ARID4B: variants seen among roughly 807,000 people sequenced by gnomAD.
ARID4B encodes AT-rich interactive domain-containing protein 4B.
A neutral mutation model predicts 147.5 loss-of-function variants in ARID4B; 26 were observed. That is an observed-to-expected ratio of 0.18 (90% CI 0.13 to 0.24). ARID4B has a LOEUF of 0.24. Among genes scored for constraint, ARID4B ranks in the 10% least tolerant of loss-of-function variants. ARID4B has a pLI of 1.00. For missense variants in ARID4B, 1,179 were observed against 1,511.5 expected, an observed-to-expected ratio of 0.78 and a Z score of 3.65; for synonymous variants, 512 against 507.9, an observed-to-expected ratio of 1.01 and a Z score of -0.11.
chr1:235,218,796 G>T (rs1338169095), intron 16 of ARID4B, among the ~76,000 whole-genome samples: 1 of 151,066 alleles, frequency 6.6e-6, no homozygotes, highest in Non-Finnish European at 1.5e-5. Flanking sequence ...ATTCATATAA[G>T]CCCCATTTTT....
At chr1:235,179,925 C>T (rs995689662) in intron 20 of ARID4B, among the ~76,000 whole-genome samples, 5 of 151,394 alleles carry the variant, frequency 3.3e-5, no homozygotes, top group African/African-American at 1.2e-4. Flanking sequence ...AAAAAATTAG[C>T]TGGGCATGGT....
intron 6 of ARID4B, among the ~76,000 whole-genome samples, chr1:235,247,243 G>A (rs931411176): frequency 1.3e-5 from 2 of 152,068 alleles, no homozygotes; most frequent in Non-Finnish European, 2.9e-5. Context: ...AAATAAAAGT[G>A]AGGAACTATT....
At chr1:235,231,219 A>G (rs756592047) in intron 9 of ARID4B, 30 bp from the exon 10 acceptor site, 16 of 1,218,056 alleles carry the variant, frequency 1.3e-5, no homozygotes, top group South Asian at 9.0e-5. Context: ...ATAAGAGAAG[A>G]AAAAAAACCC....
intron 2 of ARID4B, among the ~76,000 whole-genome samples, chr1:235,275,118 T>C (rs1017481427): frequency 1.3e-5 from 2 of 152,118 alleles, no homozygotes; most frequent in Non-Finnish European, 2.9e-5. Flanking sequence ...ACAAACTATC[T>C]TACAGATGAC....
chr1:235,192,510 G>C (rs1364804413), intron 19 of ARID4B, among the ~76,000 whole-genome samples: 2 of 151,914 alleles, frequency 1.3e-5, no homozygotes, highest in African/African-American at 4.8e-5. Flanking sequence ...AATTAGTACA[G>C]TGGTGAGTAA....
Position 235,186,084 on chromosome 1 carries a change from C to T in ARID4B, c.2126-3291G>A, listed in dbSNP as rs888178342. On this transcript the variant is annotated intron_variant, in intron 19 of 23. Coordinates refer to ENST00000264183, the MANE Select transcript of ARID4B (RefSeq NM_016374.6). Reference sequence around the variant, plus strand: ...TCCCAGGTTCAAGTGATTCCCCTGCCTCAGCCTCCTGAGTAGCTGGGACTA... The same window carrying T: ...TCCCAGGTTCAAGTGATTCCCCTGCTTCAGCCTCCTGAGTAGCTGGGACTA... Among the ~76,000 whole-genome samples the T allele has an allele frequency of 3.3e-5, 5 of 152,036 alleles. No individual in the cohort carries two copies. The East Asian group carries it at 7.7e-4, about 24-fold the overall frequency.
chr1:235,227,732 T>C (rs1357631056), intron 11 of ARID4B, among the ~76,000 whole-genome samples: 1 of 152,144 alleles, frequency 6.6e-6, no homozygotes, highest in Non-Finnish European at 1.5e-5. Context: ...ATTTTATGGC[T>C]TATTTATGAT....
At chr1:235,174,333 C>T (rs374205562) in intron 22 of ARID4B, among the ~76,000 whole-genome samples, 146 of 152,268 alleles carry the variant, frequency 9.6e-4, no homozygotes, top group African/African-American at 3.3e-3. Flanking sequence ...GCCACTGCGC[C>T]CAGCCATATC....
At chr1:235,287,984 ATGAGC>A (rs1672094957) in intron 2 of ARID4B, among the ~76,000 whole-genome samples, 1 of 152,216 alleles carries the variant, frequency 6.6e-6, no homozygotes, top group Non-Finnish European at 1.5e-5. Flanking sequence ...TGTACAGTCT[ATGAGC>A]ATATTATCCT....
In ARID4B at chr1:235,211,291, AC is replaced by A. The variant is rs200871079; in HGVS notation, c.1841+2477del. Among the ~76,000 whole-genome samples the A allele has an allele frequency of 3.0e-3, 462 of 152,306 alleles. 5 individuals are homozygous for A. The East Asian group carries it at 0.032, about 11-fold the overall frequency. On this transcript the variant is annotated intron_variant, in intron 17 of 23. Transcript: ENST00000264183. ...GGCTGCGGTGAGCCAAGATCCAGCC[AC>A]TGCACTCCAGGCTGGGCATTAAGAG...
intron 2 of ARID4B, among the ~76,000 whole-genome samples, chr1:235,292,780 G>A (rs780045127): frequency 1.2e-4 from 18 of 152,084 alleles, no homozygotes; most frequent in Non-Finnish European, 2.4e-4. Flanking sequence ...TTACTAACAA[G>A]ATAAATTTAT....
chr1:235,210,178 T>A (rs536899437), intron 17 of ARID4B, among the ~76,000 whole-genome samples: 3 of 151,906 alleles, frequency 2.0e-5, no homozygotes, highest in Admixed American at 6.6e-5. Flanking sequence ...AGAGCCATGA[T>A]TGCACCACTG....
At chr1:235,253,795 AAAT>A (rs1371907572) in intron 5 of ARID4B, among the ~76,000 whole-genome samples, 2 of 152,288 alleles carry the variant, frequency 1.3e-5, no homozygotes, top group South Asian at 4.1e-4. Context: ...ACTCTGTTTT[AAAT>A]AATGTTACCA....
chr1:235,182,371 C>T lies in ARID4B; in HGVS notation c.2548G>A (p.Glu850Lys), dbSNP rs1263062343. 6.2e-7 allele frequency: 1 copy of T among 1,611,642 alleles called. No individual in the cohort carries two copies. Among genetic ancestry groups the T allele is most frequent in the Admixed American group, 1.7e-5 (1 of 59,360 alleles). The change falls in exon 20 of 24, where the codon GAA (glutamate) becomes AAA (lysine). Residue 850 changes from glutamate (E) to lysine (K), a missense_variant. By Grantham distance (56) the Glu-to-Lys change is moderately conservative. This residue lies in a region of ARID4B where 321 missense variants were observed against 342.4 expected (regional missense o/e 0.94). Transcript: ENST00000264183. ...GKKEEKAKNK[E>K]SLCMENSSNS... ...CTACTGTTTTCCATGCAAAGTGATTCTTTGTTCTTGGCCTTCTCTTCCTTT... is the reference window on the plus strand; with the variant it reads ...CTACTGTTTTCCATGCAAAGTGATTTTTTGTTCTTGGCCTTCTCTTCCTTT...
intron 2 of ARID4B, among the ~76,000 whole-genome samples, chr1:235,282,713 G>C (rs1671736629): frequency 6.6e-6 from 1 of 152,046 alleles, no homozygotes; most frequent in African/African-American, 2.4e-5. Flanking sequence ...GAGAAAACAG[G>C]AATACTTAAA....
At chr1:235,306,299 C>G (rs1673555488) in intron 2 of ARID4B, among the ~76,000 whole-genome samples, 1 of 151,984 alleles carries the variant, frequency 6.6e-6, no homozygotes, top group South Asian at 2.1e-4. Context: ...GTCAGAAGAT[C>G]GAGACCATCC....
Position 235,234,326 on chromosome 1 carries a change from A to G in ARID4B, c.665+87T>C, listed in dbSNP as rs565321397. ...AAATAAAAGCCTAAGGTAATTGGAA[A>G]TAACTAATTAATCATTTAACATCCT... is the stretch of plus-strand genomic sequence containing the variant. On this transcript the variant is annotated intron_variant, in intron 9 of 23. Coordinates refer to ENST00000264183, the MANE Select transcript of ARID4B (RefSeq NM_016374.6). 3.8e-5 allele frequency: 32 copies of G among 846,780 alleles called. No homozygotes were observed. In the African/African-American group the frequency reaches 3.8e-4, roughly 10 times the overall value. The allele number at this position is 846,780 out of a possible 1,614,324, so 52.5% of individuals were successfully genotyped here.
chr1:235,189,008 T>C (rs1384780798), intron 19 of ARID4B, among the ~76,000 whole-genome samples: 2 of 152,114 alleles, frequency 1.3e-5, no homozygotes, highest in Non-Finnish European at 2.9e-5. Context: ...AAGATCAAAA[T>C]CCGAAAGGTA....
chr1:235,283,648 A>C (rs914161012), intron 2 of ARID4B, among the ~76,000 whole-genome samples: 2 of 152,174 alleles, frequency 1.3e-5, no homozygotes, highest in African/African-American at 4.8e-5. Context: ...ACATTTACTT[A>C]AGACAGTCAA....
Sources: allele counts gnomAD v4.1 joint callset (sites outside exome capture counted in the v4.1 genomes callset), GRCh38; gene constraint gnomAD v4.1.1; regional missense constraint gnomAD v4.1.1; transcripts MANE v1.5; gene names NCBI Gene and HGNC (gene_info 2026-07-23, HGNC 2026-07-21).